The following TARDBP variants were observed in gnomAD, a reference collection of about 807,000 sequenced individuals.
The protein encoded by TARDBP is TAR DNA binding protein, also known as TAR DNA-binding protein 43.
In TARDBP, 4 loss-of-function variants were observed where a neutral mutation model predicts 38.3. The ratio of observed to expected loss-of-function variants is 0.10; its 90% CI spans 0.05 to 0.24. The LOEUF (loss-of-function observed/expected upper bound fraction) is 0.24, where lower values mean the gene tolerates loss of function less well. TARDBP is among the 10% of genes least tolerant of loss of function. TARDBP has a pLI of 1.00. For missense variants in TARDBP, 202 were observed against 521.9 expected, an observed-to-expected ratio of 0.39 and a Z score of 5.97; for synonymous variants, 184 against 183.8, an observed-to-expected ratio of 1.00 and a Z score of -0.01.
At position 11,022,783 on chromosome 1, in the gene TARDBP, T is replaced by C. The variant is rs886045036; in HGVS notation, c.*129T>C. 4.2e-5 allele frequency: 61 copies of C among 1,441,598 alleles called. No individual in the cohort carries two copies. Among genetic ancestry groups the C allele is most frequent in the Admixed American group, 1.7e-4 (6 of 35,428 alleles). The allele number at this position is 1,441,598 out of a possible 1,614,324, so 89.3% of individuals were successfully genotyped here. On this transcript the variant is annotated 3_prime_UTR_variant, in exon 6 of 6. Transcript: ENST00000240185. This position sits in a 1 kb window ranked among gnomAD's most constrained non-coding sequence, Gnocchi z 4.5. ...ATTGGTTTGTTCAGTGTGGAGTATA[T>C]TCAGCAGTATTTTTGACATTTTTCT... is the stretch of plus-strand genomic sequence containing the variant.
chr1:11,027,448 C>G, downstream of TARDBP: 1 of 1,614,002 alleles, frequency 6.2e-7, no homozygotes, highest in Non-Finnish European at 8.5e-7. Context: ...TTCAGGGTGC[C>G]CATTCGAATG....
chr1:11,018,551 GTTAA>G, intron 3 of TARDBP, 178 bp from the exon 4 acceptor site: 1 of 787,686 alleles, frequency 1.3e-6, no homozygotes, highest in Non-Finnish European at 2.1e-6. Context: ...TTGCTCTGTT[GTTAA>G]CACAGTATGG....
intron 2 of TARDBP, chr1:11,016,124 A>G (rs892391280): frequency 3.9e-5 from 6 of 152,244 alleles, no homozygotes; most frequent in African/African-American, 7.2e-5. Context: ...TATTTTTAGT[A>G]TAGACGGCGT....
At position 11,024,351 on chromosome 1, in the gene TARDBP, C is replaced by G. The variant is rs868681262; in HGVS notation, c.*1697C>G. 3 of 152,364 alleles carry G rather than the reference C, an allele frequency of 2.0e-5. No homozygotes were observed. Among genetic ancestry groups the G allele is most frequent in the African/African-American group, 7.2e-5 (3 of 41,396 alleles). 9.4% of individuals were successfully genotyped at this position (152,364 alleles called of 1,614,324 possible). A position where few individuals can be genotyped will look rare whatever the true frequency, so the allele number is the denominator to read the frequency against. Reference sequence around the variant, plus strand: ...ACCTAAAATGGTAAGCAGTACCCTCCGGCTTTTTCTTAGTGCCTCTGTGCA... The same window carrying G: ...ACCTAAAATGGTAAGCAGTACCCTCGGGCTTTTTCTTAGTGCCTCTGTGCA... On this transcript the variant is annotated 3_prime_UTR_variant, in exon 6 of 6. Coordinates refer to ENST00000240185, the MANE Select transcript of TARDBP (RefSeq NM_007375.4).
intron 4 of TARDBP, among the ~76,000 whole-genome samples, chr1:11,019,766 C>G (rs1403958413): frequency 6.6e-6 from 1 of 152,000 alleles, no homozygotes; most frequent in Non-Finnish European, 1.5e-5. Flanking sequence ...TGGGGTTTCA[C>G]CGTGTTAGCC....
rs778984433 is a variant in TARDBP, at chr1:11,020,467, T to C, written c.582T>C (p.Phe194=). 6.2e-7 allele frequency: 1 copy of C among 1,614,142 alleles called. No individual in the cohort carries two copies. The highest frequency in any genetic ancestry group is 8.5e-7 in the Non-Finnish European group (1 of 1,180,022). The change falls in exon 5 of 6, where the codon TTT becomes TTC. Residue 194 remains phenylalanine (F), a synonymous_variant. Coordinates refer to ENST00000240185, the MANE Select transcript of TARDBP (RefSeq NM_007375.4). ...AGCCTTTGAGAAGCAGAAAAGTGTT[T>C]GTGGGGCGCTGTACAGAGGACATGA... ...QDEPLRSRKV[F]VGRCTEDMTE... is the part of the protein sequence containing the mutation.
At chr1:11,016,496 A>G (rs565104144) in intron 2 of TARDBP, among the ~76,000 whole-genome samples, 44 of 152,332 alleles carry the variant, frequency 2.9e-4, no homozygotes, top group African/African-American at 5.1e-4. Flanking sequence ...TTTAGGAAAG[A>G]TAAAAGTTAA....
chr1:11,012,673 G>C lies in TARDBP; in HGVS notation c.-83G>C, dbSNP rs1483821623. The C allele has an allele frequency of 6.6e-6, 1 of 152,352 alleles. No individual in the cohort carries two copies. Among genetic ancestry groups the C allele is most frequent in the Non-Finnish European group, 1.5e-5 (1 of 68,136 alleles). 9.4% of individuals were successfully genotyped at this position (152,352 alleles called of 1,614,324 possible). A position where few individuals can be genotyped will look rare whatever the true frequency, so the allele number is the denominator to read the frequency against. ...AGCGCCATTTTGTGGGAGCGAAGCG[G>C]TGGCTGGGCTGCGCTTGGGTCCGTC... On this transcript the variant is annotated 5_prime_UTR_variant, in exon 1 of 6. Transcript: ENST00000240185.
intron 1 of TARDBP, among the ~76,000 whole-genome samples, chr1:11,013,493 G>A (rs1335381158): frequency 6.6e-6 from 1 of 152,178 alleles, no homozygotes; most frequent in Non-Finnish European, 1.5e-5. Context: ...AAGCCTTCAG[G>A]GAAAGTTTTT....
intron 5 of TARDBP, among the ~76,000 whole-genome samples, chr1:11,021,338 A>G (rs1186222470): frequency 6.6e-6 from 1 of 151,922 alleles, no homozygotes; most frequent in African/African-American, 2.4e-5. Context: ...ACAGGGTTTC[A>G]CCATGTTGGC....
At position 11,022,350 on chromosome 1, in the gene TARDBP, G is replaced by C. The variant is rs150052883; in HGVS notation, c.941G>C (p.Gly314Ala). The C allele has an allele frequency of 1.2e-6, 2 of 1,613,814 alleles. No homozygotes were observed. The highest frequency in any genetic ancestry group is 1.7e-5 in the Admixed American group (1 of 59,982). ...AATATGGGTGGTGGGATGAACTTTG[G>C]TGCGTTCAGCATTAATCCAGCCATG... ...GSNMGGGMNFGAFSINPAMMA... is the reference protein window; with the variant it reads ...GSNMGGGMNFAAFSINPAMMA... The change falls in exon 6 of 6, where the codon GGT (glycine) becomes GCT (alanine). Residue 314 changes from glycine to alanine, a missense_variant. Physicochemically the swap from Gly to Ala is moderately conservative, Grantham distance 60 (BLOSUM62 0). Coordinates refer to ENST00000240185, the MANE Select transcript of TARDBP (RefSeq NM_007375.4). The surrounding 1 kb of genome is among the most constrained non-coding windows in gnomAD (Gnocchi z 4.5).
At chr1:11,017,090 G>A in intron 3 of TARDBP, 83 bp downstream of exon 3, 2 of 1,446,528 alleles carry the variant, frequency 1.4e-6, no homozygotes, top group Admixed American at 3.4e-5. Flanking sequence ...ATAGAGATGG[G>A]GTATCACTAT....
Position 11,024,392 on chromosome 1 carries a change from A to G in TARDBP, c.*1738A>G, listed in dbSNP as rs992103756. 1 of 152,394 alleles carries G rather than the reference A, an allele frequency of 6.6e-6. No homozygotes were observed. Among genetic ancestry groups the G allele is most frequent in the East Asian group, 1.9e-4 (1 of 5,180 alleles). The allele number at this position is 152,394 out of a possible 1,614,324, so 9.4% of individuals were successfully genotyped here. ...CCTCTGTGCATTTGGGTGATGTTCT[A>G]TTTACATGGCCTGTGTAAATCTCCA... On this transcript the variant is annotated 3_prime_UTR_variant, in exon 6 of 6. Transcript: ENST00000240185.
At chr1:11,028,917 T>C (rs1334548104), downstream of TARDBP, among the ~76,000 whole-genome samples, 1 of 150,708 alleles carries the variant, frequency 6.6e-6, no homozygotes, top group East Asian at 2.0e-4. Context: ...GTTTCACCGT[T>C]TTAGCCAGAC....
intron 3 of TARDBP, chr1:11,018,512 C>CA: frequency 1.6e-6 from 1 of 624,480 alleles, no homozygotes; most frequent in Non-Finnish European, 2.7e-6. Flanking sequence ...TTAAAAAACT[C>CA]AAAAACATTT....
At chr1:11,017,673 A>G (rs1053866699) in intron 3 of TARDBP, among the ~76,000 whole-genome samples, 3 of 152,198 alleles carry the variant, frequency 2.0e-5, no homozygotes, top group Admixed American at 6.5e-5. Context: ...TTCTTTATAT[A>G]TTAAACTAAT....
At chr1:11,018,408 T>C in intron 3 of TARDBP, 1 of 375,564 alleles carries the variant, frequency 2.7e-6, no homozygotes, top group Non-Finnish European at 5.0e-6. Context: ...AGGCTGGTCC[T>C]GAACTCCTGT....
chr1:11,020,606 T>G lies in TARDBP; in HGVS notation c.714+7T>G, dbSNP rs368375751. On this transcript the variant is annotated splice_region_variant and intron_variant, in intron 5 of 5. Coordinates refer to ENST00000240185, the MANE Select transcript of TARDBP (RefSeq NM_007375.4). ...TACATTTGCAGATGATCAGGTATTT[T>G]TCTCCTTAACGATATGTCCCGGCCG... The G allele has an allele frequency of 7.4e-6, 12 of 1,613,686 alleles. No individual in the cohort carries two copies. Among genetic ancestry groups the G allele is most frequent in the Non-Finnish European group, 1.0e-5 (12 of 1,179,828 alleles).
At chr1:11,027,490 A>G (rs754623722), downstream of TARDBP, 14 of 1,614,062 alleles carry the variant, frequency 8.7e-6, no homozygotes, top group South Asian at 1.2e-4. Context: ...TTTTGCTCAT[A>G]GACGGCATGA....
Sources: gnomAD v4.1 joint callset for allele counts (sites outside exome capture counted in the v4.1 genomes callset) on GRCh38, gnomAD v4.1.1 for gene constraint, Gnocchi (gnomAD v3.1) non-coding constraint, MANE v1.5 for transcripts, NCBI Gene and HGNC (gene_info 2026-07-23, HGNC 2026-07-21) for gene names.